The following GSG1L variants were observed in gnomAD, a reference collection of about 807,000 sequenced individuals.
The protein encoded by GSG1L is GSG1 like, also known as germ cell-specific gene 1-like protein.
A neutral mutation model predicts 42.1 loss-of-function variants in GSG1L; 24 were observed. The observed-to-expected ratio is 0.57, with a 90% CI of 0.41 to 0.80. The LOEUF (loss-of-function observed/expected upper bound fraction) is 0.80. Among genes scored for constraint, GSG1L ranks in the 30% least tolerant of loss-of-function variants. The pLI is 0.00. For missense variants in GSG1L, 445 were observed against 472.2 expected, an observed-to-expected ratio of 0.94 and a Z score of 0.53; for synonymous variants, 215 against 203.5, an observed-to-expected ratio of 1.06 and a Z score of -0.48.
rs373587589 is a variant in GSG1L at position 27,945,518 on chromosome 16, C to CA, written c.397+17637dup. 1.2e-3 allele frequency among the ~76,000 whole-genome samples: 180 copies of CA among 152,308 alleles called. 1 individual carries two copies. Among genetic ancestry groups the CA allele is most frequent in the African/African-American group, 4.2e-3 (176 of 41,580 alleles). ...AAACGCGAGCGGAAGATCGGAAGCC[C>CA]AGGAGGCCAGAGATTCTGCAGACAA... On this transcript the variant is annotated intron_variant, in intron 2 of 6. Transcript: ENST00000447459.
intron 2 of GSG1L, among the ~76,000 whole-genome samples, chr16:27,927,796 C>T (rs910481996): frequency 3.3e-5 from 5 of 152,136 alleles, no homozygotes; most frequent in African/African-American, 1.2e-4. Flanking sequence ...ACCCTGGCCA[C>T]CCACTGGAGT....
At chr16:27,873,855 G>A (rs539796085) in intron 3 of GSG1L, among the ~76,000 whole-genome samples, 34 of 152,120 alleles carry the variant, frequency 2.2e-4, no homozygotes, top group Non-Finnish European at 4.1e-4. Context: ...GGCTACAGAG[G>A]GGTGAAATCT....
Position 27,896,398 on chromosome 16 carries a change from G to A in GSG1L, c.398-11760C>T, listed in dbSNP as rs538761847. 4.6e-5 allele frequency among the ~76,000 whole-genome samples: 7 copies of A among 152,198 alleles called. No individual in the cohort carries two copies. In the South Asian group the frequency reaches 1.2e-3, roughly 27 times the overall value. On this transcript the variant is annotated intron_variant, in intron 2 of 6. Coordinates refer to ENST00000447459, the MANE Select transcript of GSG1L (RefSeq NM_001109763.2). Reference sequence around the variant, plus strand: ...GATACGTTACCTTGCATGGCACAAGGGACTTTGCAGACATGATTAAGATCT... The same window carrying A: ...GATACGTTACCTTGCATGGCACAAGAGACTTTGCAGACATGATTAAGATCT...
At chr16:27,981,485 C>T (rs956035118) in intron 1 of GSG1L, among the ~76,000 whole-genome samples, 30 of 152,162 alleles carry the variant, frequency 2.0e-4, no homozygotes, top group Admixed American at 3.9e-4. Context: ...TCTGGGCTGG[C>T]GGCAGAGCCT....
chr16:28,008,253 T>C (rs2085668936), intron 1 of GSG1L, among the ~76,000 whole-genome samples: 1 of 152,106 alleles, frequency 6.6e-6, no homozygotes, highest in Non-Finnish European at 1.5e-5. Flanking sequence ...CTAATTTTTG[T>C]ATTTTTGGTA....
chr16:28,014,029 C>T (rs898023606), intron 1 of GSG1L, among the ~76,000 whole-genome samples: 5 of 152,230 alleles, frequency 3.3e-5, no homozygotes, highest in East Asian at 1.9e-4. Context: ...ACCAGGACTA[C>T]GACCTAAGAG....
At chr16:27,910,126 C>CA (rs374169995) in intron 2 of GSG1L, among the ~76,000 whole-genome samples, 10 of 136,952 alleles carry the variant, frequency 7.3e-5, no homozygotes. Flanking sequence ...TGCCTGGCTA[C>CA]TTTTTTTTTT....
chr16:27,850,800 CT>C (rs201380124), intron 3 of GSG1L, among the ~76,000 whole-genome samples: 50 of 132,678 alleles, frequency 3.8e-4, no homozygotes, highest in East Asian at 2.2e-3. Flanking sequence ...TATCATCTAC[CT>C]TTTTTTTTTA....
chr16:28,017,317 C>G (rs1567557157), intron 1 of GSG1L, among the ~76,000 whole-genome samples: 1 of 152,212 alleles, frequency 6.6e-6, no homozygotes, highest in Non-Finnish European at 1.5e-5. Context: ...AGAACATACC[C>G]AGGACCAAAT....
chr16:27,888,145 T>A (rs896927596), intron 2 of GSG1L: 1 of 985,316 alleles, frequency 1.0e-6, no homozygotes, highest in Non-Finnish European at 1.2e-6. Context: ...CGCTGCTCAC[T>A]GACTCAGCTG....
At chr16:28,046,482 T>C (rs903857931) in intron 1 of GSG1L, among the ~76,000 whole-genome samples, 1 of 150,856 alleles carries the variant, frequency 6.6e-6, no homozygotes, top group African/African-American at 2.4e-5. Context: ...GCCTCCCGAA[T>C]AGCTCGGACG....
At chr16:28,018,344 A>G (rs1288683412) in intron 1 of GSG1L, among the ~76,000 whole-genome samples, 1 of 152,224 alleles carries the variant, frequency 6.6e-6, no homozygotes, top group East Asian at 1.9e-4. Flanking sequence ...ATTCTCTGAG[A>G]CTTCTCCTAG....
chr16:27,996,634 G>T (rs1395184648), intron 1 of GSG1L, among the ~76,000 whole-genome samples: 2 of 152,190 alleles, frequency 1.3e-5, no homozygotes, highest in East Asian at 3.9e-4. Context: ...ACAGAACTCT[G>T]CCTGGCCCTT....
chr16:27,976,129 G>A (rs1472403956), intron 1 of GSG1L, among the ~76,000 whole-genome samples: 2 of 152,080 alleles, frequency 1.3e-5, no homozygotes, highest in African/African-American at 2.4e-5. Context: ...ACAAAAATTA[G>A]CCAGGCCCAG....
At chr16:27,886,727 T>C (rs939837571) in intron 2 of GSG1L, among the ~76,000 whole-genome samples, 2 of 152,114 alleles carry the variant, frequency 1.3e-5, no homozygotes, top group African/African-American at 4.8e-5. Flanking sequence ...AAGTAGCGAA[T>C]AGAAGATGGA....
chr16:27,975,398 A>G (rs1008512213), intron 1 of GSG1L, among the ~76,000 whole-genome samples: 2 of 151,400 alleles, frequency 1.3e-5, no homozygotes, highest in Non-Finnish European at 2.9e-5. Flanking sequence ...GGTGGTCCCC[A>G]CCCCTCCTCA....
chr16:27,812,288 T>G (rs11074880), intron 5 of GSG1L, among the ~76,000 whole-genome samples: 30,509 of 151,932 alleles, frequency 0.2, 3,408 homozygotes, highest in African/African-American at 0.31. Flanking sequence ...CAAATAACAG[T>G]GGCTTCATGT....
chr16:27,829,855 A>G (rs1200098913), intron 4 of GSG1L, among the ~76,000 whole-genome samples: 1 of 152,180 alleles, frequency 6.6e-6, no homozygotes, highest in Non-Finnish European at 1.5e-5. Context: ...CATTATTATC[A>G]TTAATATTAA....
At chr16:28,004,376 G>C (rs2141147593) in intron 1 of GSG1L, among the ~76,000 whole-genome samples, 1 of 152,048 alleles carries the variant, frequency 6.6e-6, no homozygotes, top group African/African-American at 2.4e-5. Context: ...GGAGGTGAGG[G>C]ACTTCCTGTC....
Sources: gnomAD v4.1 joint callset for allele counts (sites outside exome capture counted in the v4.1 genomes callset) on GRCh38, gnomAD v4.1.1 for gene constraint, MANE v1.5 for transcripts, NCBI Gene and HGNC (gene_info 2026-07-23, HGNC 2026-07-21) for gene names.